Variants in MPPED2 observed in about 807,000 individuals in gnomAD.
The protein encoded by MPPED2 is metallophosphoesterase domain containing 2, also known as metallophosphoesterase MPPED2.
MPPED2 carries 5 observed loss-of-function variants against 33.0 expected under a neutral mutation model. The ratio of observed to expected loss-of-function variants is 0.15; its 90% CI spans 0.08 to 0.32. The LOEUF (loss-of-function observed/expected upper bound fraction) is 0.32. Among genes scored for constraint, MPPED2 ranks in the 10% least tolerant of loss-of-function variants. MPPED2 has a pLI of 1.00. For missense variants in MPPED2, 275 were observed against 372.1 expected, an observed-to-expected ratio of 0.74 and a Z score of 2.15; for synonymous variants, 136 against 141.9, an observed-to-expected ratio of 0.96 and a Z score of 0.29.
At chr11:30,577,336 G>T (rs2134880495) in intron 2 of MPPED2, among the ~76,000 whole-genome samples, 1 of 152,282 alleles carries the variant, frequency 6.6e-6, no homozygotes, top group South Asian at 2.1e-4. Context: ...TCATTAAAGG[G>T]ATAGGGTTTT....
At chr11:30,433,789 T>C (rs1949192642) in intron 4 of MPPED2, among the ~76,000 whole-genome samples, 1 of 152,220 alleles carries the variant, frequency 6.6e-6, no homozygotes, top group African/African-American at 2.4e-5. Context: ...AGGCTTACTC[T>C]ATCCTAGTAT....
intron 4 of MPPED2, among the ~76,000 whole-genome samples, chr11:30,424,446 A>C (rs959013537): frequency 1.3e-5 from 2 of 152,146 alleles, no homozygotes; most frequent in Non-Finnish European, 2.9e-5. Context: ...CACCAGGTCC[A>C]AGAGAAGCTA....
At chr11:30,454,456 G>GA (rs369937756) in intron 4 of MPPED2, among the ~76,000 whole-genome samples, 26 of 150,576 alleles carry the variant, frequency 1.7e-4, no homozygotes, top group African/African-American at 5.6e-4. Context: ...GGAAATAAAA[G>GA]AAAAAAAATC....
intron 2 of MPPED2, among the ~76,000 whole-genome samples, chr11:30,547,902 C>T (rs776744435): frequency 6.6e-6 from 1 of 152,174 alleles, no homozygotes; most frequent in Non-Finnish European, 1.5e-5. Flanking sequence ...TCTTGAACCT[C>T]ACACTTTCAT....
At chr11:30,387,162 T>C (rs574821804) in exon 7 of MPPED2, 2 of 165,706 alleles carry the variant, frequency 1.2e-5, no homozygotes, top group African/African-American at 2.4e-5. Flanking sequence ...GAATCACACA[T>C]AGACACAGTA....
At chr11:30,471,047 A>G (rs1428104753) in intron 4 of MPPED2, among the ~76,000 whole-genome samples, 2 of 152,328 alleles carry the variant, frequency 1.3e-5, no homozygotes, top group Non-Finnish European at 2.9e-5. Flanking sequence ...GTTCATTATC[A>G]GATTACTAGA....
intron 3 of MPPED2, among the ~76,000 whole-genome samples, chr11:30,511,066 T>G (rs1953151925): frequency 6.6e-6 from 1 of 152,218 alleles, no homozygotes; most frequent in African/African-American, 2.4e-5. Flanking sequence ...AAGTCAGGTC[T>G]CAACCTAATT....
chr11:30,560,312 T>TAAA (rs569768584), intron 2 of MPPED2, among the ~76,000 whole-genome samples: 19 of 149,482 alleles, frequency 1.3e-4, no homozygotes, highest in South Asian at 6.3e-4. Flanking sequence ...GTTTTTTTTT[T>TAAA]AAAAAAAAAA....
intron 6 of MPPED2, among the ~76,000 whole-genome samples, chr11:30,401,843 G>C (rs1765137): frequency 0.23 from 30,967 of 136,984 alleles, 5,199 homozygotes; most frequent in Non-Finnish European, 0.33. Flanking sequence ...CGCTACCATG[G>C]CCAGCTAATT....
intron 3 of MPPED2, among the ~76,000 whole-genome samples, chr11:30,523,966 A>C (rs1954017171): frequency 6.6e-6 from 1 of 151,958 alleles, no homozygotes; most frequent in African/African-American, 2.4e-5. Flanking sequence ...AGAGAGAACA[A>C]GGGGCTGGGC....
At position 30,454,464 on chromosome 11, in the gene MPPED2, A is replaced by T. The variant is rs973953986; in HGVS notation, c.537-36831T>A. Among the ~76,000 whole-genome samples the T allele has an allele frequency of 3.3e-5, 5 of 152,192 alleles. No individual in the cohort carries two copies. In the South Asian group the frequency reaches 1.0e-3, roughly 32 times the overall value. On this transcript the variant is annotated intron_variant, in intron 4 of 6. Transcript: ENST00000358117. ...TGGGGGTGGAAATAAAAGAAAAAAA[A>T]TCACCAGAGGAAAAAAAATTATAAA...
chr11:30,392,875 G>T (rs572471460), intron 6 of MPPED2, among the ~76,000 whole-genome samples: 1 of 152,160 alleles, frequency 6.6e-6, no homozygotes, highest in African/African-American at 2.4e-5. Flanking sequence ...TGTGCTCAGG[G>T]TTTAAGGCAA....
At chr11:30,556,670 T>C (rs942294211) in intron 2 of MPPED2, among the ~76,000 whole-genome samples, 1 of 152,180 alleles carries the variant, frequency 6.6e-6, no homozygotes, top group Admixed American at 6.5e-5. Context: ...GGTTTTCTTA[T>C]CTGCAAAATG....
At chr11:30,486,438 T>C (rs113075082) in intron 4 of MPPED2, among the ~76,000 whole-genome samples, 3 of 152,242 alleles carry the variant, frequency 2.0e-5, no homozygotes, top group East Asian at 1.9e-4. Context: ...TATTTGACAA[T>C]TGGTTTTAAT....
At chr11:30,498,812 T>A (rs1952420168) in intron 3 of MPPED2, among the ~76,000 whole-genome samples, 1 of 152,218 alleles carries the variant, frequency 6.6e-6, no homozygotes, top group African/African-American at 2.4e-5. Flanking sequence ...AGAAAATTAC[T>A]GAGCAAATAG....
intron 4 of MPPED2, among the ~76,000 whole-genome samples, chr11:30,463,208 G>A (rs940092441): frequency 2.0e-5 from 3 of 152,184 alleles, no homozygotes; most frequent in African/African-American, 4.8e-5. Flanking sequence ...ATGTAATCCT[G>A]ATAACAACTG....
intron 6 of MPPED2, among the ~76,000 whole-genome samples, chr11:30,399,132 G>A (rs1172654584): frequency 6.7e-6 from 1 of 149,484 alleles, no homozygotes; most frequent in Non-Finnish European, 1.5e-5. Flanking sequence ...ACCTTGGCAG[G>A]ATATGGAAAC....
chr11:30,571,379 T>C (rs533824), intron 2 of MPPED2, among the ~76,000 whole-genome samples: 143,889 of 152,122 alleles, frequency 0.95, 68,111 homozygotes, highest in African/African-American at 0.98. Context: ...TAAAAATATG[T>C]AGACCCAAAT....
At chr11:30,478,965 A>T (rs1449117021) in intron 4 of MPPED2, among the ~76,000 whole-genome samples, 1 of 152,158 alleles carries the variant, frequency 6.6e-6, no homozygotes, top group Non-Finnish European at 1.5e-5. Flanking sequence ...ACAAGAAAAG[A>T]CATTGAACTC....
Sources: gnomAD v4.1 joint callset for allele counts (sites outside exome capture counted in the v4.1 genomes callset) on GRCh38, gnomAD v4.1.1 for gene constraint, MANE v1.5 for transcripts, NCBI Gene and HGNC (gene_info 2026-07-23, HGNC 2026-07-21) for gene names.